Variants in TRDN observed in about 807,000 individuals in gnomAD.
TRDN encodes triadin, also known as triadin in skeletal muscle.
A neutral mutation model predicts 149.7 loss-of-function variants in TRDN; 161 were observed. That is an observed-to-expected ratio of 1.08 (90% CI 0.95 to 1.23). The LOEUF (loss-of-function observed/expected upper bound fraction) is 1.23, where lower values mean the gene tolerates loss of function less well. TRDN is among the 50% of genes most tolerant of loss of function. The pLI is 0.00. For synonymous variants in TRDN, 294 were observed against 250.5 expected (o/e 1.17, Z -1.64); for missense variants, 896 against 823.5 (o/e 1.09, Z -1.08).
At chr6:123,317,005 T>G (rs996328079) in intron 23 of TRDN, among the ~76,000 whole-genome samples, 2 of 151,770 alleles carry the variant, frequency 1.3e-5, no homozygotes, top group African/African-American at 4.8e-5. Flanking sequence ...TTTACCTAAA[T>G]TTAATATAAT....
At chr6:123,535,222 TC>T (rs1325294666) in intron 4 of TRDN, among the ~76,000 whole-genome samples, 7 of 152,164 alleles carry the variant, frequency 4.6e-5, no homozygotes, top group Admixed American at 3.3e-4. Context: ...CAAAGGGAAA[TC>T]CCTTTATTCT....
chr6:123,249,322 A>T (rs1776295600), intron 38 of TRDN, among the ~76,000 whole-genome samples: 1 of 152,146 alleles, frequency 6.6e-6, no homozygotes, highest in Non-Finnish European at 1.5e-5. Flanking sequence ...AGGCTTATAC[A>T]CTGTTGGTTG....
At chr6:123,244,365 C>T (rs901258746) in intron 38 of TRDN, among the ~76,000 whole-genome samples, 1 of 152,042 alleles carries the variant, frequency 6.6e-6, no homozygotes, top group Non-Finnish European at 1.5e-5. Flanking sequence ...ATTACAGGAG[C>T]TGCTAACTAG....
At chr6:123,611,008 G>T (rs1784780329) in intron 1 of TRDN, among the ~76,000 whole-genome samples, 1 of 152,092 alleles carries the variant, frequency 6.6e-6, no homozygotes, top group South Asian at 2.1e-4. Context: ...TGCTGAGTGT[G>T]ATAACACTGT....
chr6:123,613,031 A>G (rs1269871334), intron 1 of TRDN, among the ~76,000 whole-genome samples: 1 of 152,206 alleles, frequency 6.6e-6, no homozygotes, highest in Non-Finnish European at 1.5e-5. Context: ...ATAACTGAAT[A>G]CAGCATAAAA....
intron 31 of TRDN, among the ~76,000 whole-genome samples, chr6:123,268,825 T>C (rs957959762): frequency 6.6e-6 from 1 of 151,998 alleles, no homozygotes; most frequent in African/African-American, 2.4e-5. Context: ...CAGCCAATAT[T>C]CAAGGTATTA....
chr6:123,340,814 A>T (rs914597645), intron 21 of TRDN, among the ~76,000 whole-genome samples: 11 of 152,030 alleles, frequency 7.2e-5, no homozygotes, highest in African/African-American at 2.7e-4. Context: ...AATTTCCCAG[A>T]GTGTAACTTA....
intron 12 of TRDN, among the ~76,000 whole-genome samples, chr6:123,413,436 A>G (rs1006877679): frequency 1.3e-5 from 2 of 152,244 alleles, no homozygotes; most frequent in Non-Finnish European, 2.9e-5. Flanking sequence ...ACCAGAAAGT[A>G]CTGGTTATAA....
intron 1 of TRDN, among the ~76,000 whole-genome samples, chr6:123,598,376 T>A (rs1219597342): frequency 6.6e-6 from 1 of 152,006 alleles, no homozygotes. Context: ...CTTCCATATT[T>A]AAGGCCCTGT....
At chr6:123,252,525 T>C in intron 37 of TRDN, 90 bp from the exon 38 acceptor site, 1 of 662,240 alleles carries the variant, frequency 1.5e-6, no homozygotes, top group Non-Finnish European at 2.5e-6. Flanking sequence ...TATCTAATTA[T>C]TTTGTTTCTT....
chr6:123,511,080 C>G (rs565997759), intron 7 of TRDN, among the ~76,000 whole-genome samples: 1 of 152,002 alleles, frequency 6.6e-6, no homozygotes, highest in Non-Finnish European at 1.5e-5. Context: ...AAGTGTTTCC[C>G]CAATGTTTTC....
intron 9 of TRDN, among the ~76,000 whole-genome samples, chr6:123,495,841 T>C (rs915204103): frequency 7.9e-5 from 12 of 151,998 alleles, no homozygotes; most frequent in Non-Finnish European, 1.6e-4. Context: ...GTGATCTTTA[T>C]TTTAAATGTA....
chr6:123,259,633 C>A lies in TRDN; in HGVS notation c.1861G>T (p.Glu621Ter), dbSNP rs1227659153. 1 of 1,474,910 alleles carries A rather than the reference C, an allele frequency of 6.8e-7. No homozygotes were observed. Among genetic ancestry groups the A allele is most frequent in the Non-Finnish European group, 9.2e-7 (1 of 1,091,016 alleles). The allele number at this position is 1,474,910 out of a possible 1,614,324, so 91.4% of individuals were successfully genotyped here. Residue 621 changes from glutamate to a stop codon, truncating the protein, a stop_gained, in exon 35 of 41, where the codon GAA (glutamate) becomes TAA (stop). Coordinates refer to ENST00000334268, the MANE Select transcript of TRDN (RefSeq NM_006073.4). LOFTEE classifies it high-confidence loss of function. ...GKKKTEISEKESKEKADMKHL... is the reference protein window; with the variant it reads ...GKKKTEISEK ...AAAATGTCATTTTTACCTTTACTTT[C>A]TTTTTCAGATATTTCAGTTTTCTTC...
chr6:123,390,413 T>C (rs1023895736), intron 13 of TRDN, among the ~76,000 whole-genome samples: 48 of 152,176 alleles, frequency 3.2e-4, no homozygotes, highest in African/African-American at 1.1e-3. Context: ...TATGCACATG[T>C]ATCTTCTTTT....
intron 13 of TRDN, among the ~76,000 whole-genome samples, chr6:123,388,838 T>A (rs973156737): frequency 4.6e-5 from 7 of 152,190 alleles, no homozygotes; most frequent in African/African-American, 1.7e-4. Flanking sequence ...TTTTAGATTT[T>A]AAATTTTATA....
At chr6:123,634,880 T>C (rs1370439794) in intron 1 of TRDN, among the ~76,000 whole-genome samples, 1 of 152,016 alleles carries the variant, frequency 6.6e-6, no homozygotes, top group African/African-American at 2.4e-5. Context: ...TTAATTTTAT[T>C]ACTAATGTAA....
At chr6:123,529,490 T>C in intron 5 of TRDN, 1 of 847,712 alleles carries the variant, frequency 1.2e-6, no homozygotes, top group Admixed American at 2.1e-5. Context: ...TTTGAGCCCT[T>C]CCCAAAAAGA....
chr6:123,332,295 C>T (rs1319334819), intron 22 of TRDN, among the ~76,000 whole-genome samples: 1 of 113,648 alleles, frequency 8.8e-6, no homozygotes, highest in African/African-American at 3.5e-5. Context: ...CAGTTTATTT[C>T]TTTTAGCCCA....
intron 12 of TRDN, chr6:123,421,739 C>T (rs1337122064): frequency 6.8e-6 from 1 of 147,254 alleles, no homozygotes; most frequent in Non-Finnish European, 1.5e-5. Flanking sequence ...AAGGTGTAGG[C>T]AGGAGACCTG....
Sources: allele counts gnomAD v4.1 joint callset (sites outside exome capture counted in the v4.1 genomes callset), GRCh38; gene constraint gnomAD v4.1.1; transcripts MANE v1.5; gene names NCBI Gene and HGNC (gene_info 2026-07-23, HGNC 2026-07-21).